ANKHD1: variants seen among roughly 807,000 people sequenced by gnomAD.
ANKHD1 encodes the protein ankyrin repeat and KH domain-containing protein 1.
In ANKHD1, 31 loss-of-function variants were observed where a neutral mutation model predicts 230.5. That is an observed-to-expected ratio of 0.13 (90% confidence interval 0.10 to 0.18). ANKHD1 has a LOEUF of 0.18. Ranked by LOEUF, ANKHD1 falls within the 10% of genes least tolerant of loss-of-function variation. The pLI is 1.00. For synonymous variants in ANKHD1, 1,074 were observed against 1,117.6 expected, an observed-to-expected ratio of 0.96 and a Z score of 0.78; for missense variants, 2,256 against 3,071.3, an observed-to-expected ratio of 0.73 and a Z score of 6.27.
At chr5:140,455,633 AT>A (rs1561749046) in intron 7 of ANKHD1, among the ~76,000 whole-genome samples, 1 of 152,234 alleles carries the variant, frequency 6.6e-6, no homozygotes, top group East Asian at 1.9e-4. Flanking sequence ...ATCTCAATAG[AT>A]GCAGAAAAGT....
At chr5:140,455,388 A>G (rs1391926129) in intron 7 of ANKHD1, among the ~76,000 whole-genome samples, 2 of 152,202 alleles carry the variant, frequency 1.3e-5, no homozygotes, top group African/African-American at 4.8e-5. Context: ...TCCTAATACC[A>G]AAGCCTGGCA....
chr5:140,427,034 C>T (rs975376572), intron 1 of ANKHD1, among the ~76,000 whole-genome samples: 4 of 152,190 alleles, frequency 2.6e-5, no homozygotes, highest in Admixed American at 1.3e-4. Flanking sequence ...CTGTTGGGTA[C>T]ACCTCCCAGA....
chr5:140,510,876 G>A (rs560040869), intron 22 of ANKHD1, among the ~76,000 whole-genome samples: 1 of 151,984 alleles, frequency 6.6e-6, no homozygotes, highest in South Asian at 2.1e-4. Flanking sequence ...AGGCTGGAGT[G>A]CAGTGGCATG....
intron 26 of ANKHD1, 24 bp downstream of exon 26, chr5:140,526,467 T>C (rs199860194): frequency 1.3e-6 from 2 of 1,586,774 alleles, no homozygotes; most frequent in South Asian, 1.2e-5. Context: ...ATTTGTTAAC[T>C]CTACCTGCAC....
intron 14 of ANKHD1, among the ~76,000 whole-genome samples, 161 bp downstream of exon 14, chr5:140,487,221 C>T (rs1751550473): frequency 6.6e-6 from 1 of 152,016 alleles, no homozygotes; most frequent in African/African-American, 2.4e-5. Flanking sequence ...ACCAAAAAGA[C>T]GTGTTAGGAA....
In ANKHD1 at chr5:140,432,120, AT is replaced by A. The variant is rs1012828237; in HGVS notation, c.307-3980del. 5.9e-5 allele frequency among the ~76,000 whole-genome samples: 9 copies of A among 152,348 alleles called. 1 individual carries two copies. Among genetic ancestry groups the A allele is most frequent in the Middle Eastern group, 6.8e-3 (2 of 294 alleles). ...TAATTCGTATGCCATAAGATATAGC[AT>A]TTTAAAGTCTACATTTCAGTGATTT... On this transcript the variant is annotated intron_variant, in intron 1 of 33. Transcript: ENST00000360839.
At chr5:140,508,629 G>A (rs543711087) in intron 20 of ANKHD1, among the ~76,000 whole-genome samples, 10 of 151,946 alleles carry the variant, frequency 6.6e-5, no homozygotes, top group South Asian at 2.1e-4. Flanking sequence ...GGTGGCAGGC[G>A]CCTTTAATCC....
chr5:140,458,822 G>A lies in ANKHD1; in HGVS notation c.1440G>A (p.Arg480=), dbSNP rs774661962. ...ACACTCCCTTGATGGAAGCTGCCCG[G>A]GAAGGACATGAAGAAATGGTGGCAC... ...EGYTPLMEAA[R]EGHEEMVALL... is the part of the protein sequence containing the mutation. The change falls in exon 8 of 34, where the codon CGG becomes CGA. Residue 480 remains arginine (R), a synonymous_variant. Coordinates refer to ENST00000360839, the MANE Select transcript of ANKHD1 (RefSeq NM_017747.3). 1 of 1,612,686 alleles carries A rather than the reference G, an allele frequency of 6.2e-7. No homozygotes were observed. The highest frequency in any genetic ancestry group is 1.7e-5 in the Admixed American group (1 of 59,794).
At chr5:140,461,716 A>C (rs114729176) in intron 9 of ANKHD1, among the ~76,000 whole-genome samples, 2,473 of 152,188 alleles carry the variant, frequency 0.016, 74 homozygotes, top group African/African-American at 0.056. Context: ...TTTGAAAATT[A>C]ATGATTAAAA....
chr5:140,403,816 A>G (rs1770192275), intron 1 of ANKHD1, among the ~76,000 whole-genome samples: 1 of 152,132 alleles, frequency 6.6e-6, no homozygotes, highest in Admixed American at 6.6e-5. Flanking sequence ...TCTTGGTGTT[A>G]AAGTACAGGA....
At position 140,513,435 on chromosome 5, in the gene ANKHD1, A is replaced by G; in HGVS notation, c.4273A>G (p.Asn1425Asp). 6.2e-7 allele frequency: 1 copy of G among 1,613,792 alleles called. No individual in the cohort carries two copies. The highest frequency in any genetic ancestry group is 8.5e-7 in the Non-Finnish European group (1 of 1,179,864). The change falls in exon 24 of 34, where the codon AAT (asparagine) becomes GAT (aspartate). Residue 1425 changes from asparagine (N) to aspartate (D), a missense_variant. By Grantham distance (23) the Asn-to-Asp change is conservative (BLOSUM62 1). Coordinates refer to ENST00000360839, the MANE Select transcript of ANKHD1 (RefSeq NM_017747.3). ...TAAAGACCAGCAAGCTGCAGAAGCA[A>G]ATAAGAATGCGAGTATTCTTTTAAA... is the stretch of plus-strand genomic sequence containing the variant. ...KAKDQQAAEA[N>D]KNASILLKEL...
chr5:140,523,968 C>CT, intron 24 of ANKHD1, 98 bp from the exon 25 acceptor site: 2 of 1,403,922 alleles, frequency 1.4e-6, no homozygotes, highest in Non-Finnish European at 1.9e-6. Context: ...TTGAGAGTAA[C>CT]ATCCATGGAA....
intron 1 of ANKHD1, among the ~76,000 whole-genome samples, chr5:140,420,052 G>T (rs1771849037): frequency 7.1e-6 from 1 of 140,014 alleles, no homozygotes. Flanking sequence ...CTGGAATGTA[G>T]TTGCTCCATC....
At chr5:140,402,369 G>C in intron 1 of ANKHD1, 96 bp downstream of exon 1, 1 of 1,370,756 alleles carries the variant, frequency 7.3e-7, no homozygotes, top group Non-Finnish European at 9.4e-7. Flanking sequence ...TTCCCTGGTG[G>C]AGCCCTTCTG....
chr5:140,525,864 C>A (rs1581375314), intron 25 of ANKHD1, 132 bp from the exon 26 acceptor site: 11 of 956,196 alleles, frequency 1.2e-5, no homozygotes, highest in Admixed American at 3.7e-5. Context: ...TTCTTTATTT[C>A]TTAGTGAATA....
At chr5:140,488,409 A>G (rs1751603372) in intron 14 of ANKHD1, among the ~76,000 whole-genome samples, 1 of 151,968 alleles carries the variant, frequency 6.6e-6, no homozygotes, top group African/African-American at 2.4e-5. Flanking sequence ...ACATGATGAA[A>G]CCCCATCTCT....
chr5:140,411,517 GT>G (rs1223694151), intron 1 of ANKHD1, among the ~76,000 whole-genome samples: 20 of 124,134 alleles, frequency 1.6e-4, no homozygotes, highest in Non-Finnish European at 1.6e-4. Flanking sequence ...TTTTTTGGCT[GT>G]TTTTTTTTTG....
chr5:140,444,431 C>T (rs1774112393), intron 5 of ANKHD1, among the ~76,000 whole-genome samples: 1 of 152,174 alleles, frequency 6.6e-6, no homozygotes, highest in Admixed American at 6.5e-5. Context: ...GTTAAAAATA[C>T]AGGTTCCTAG....
intron 1 of ANKHD1, among the ~76,000 whole-genome samples, chr5:140,419,768 CTTTCTT>C (rs1480780255): frequency 7.1e-6 from 1 of 140,334 alleles, no homozygotes; most frequent in African/African-American, 2.7e-5. Context: ...CTTCTCTTTC[CTTTCTT>C]TTTCTTTCTT....
Sources: allele counts gnomAD v4.1 joint callset (sites outside exome capture counted in the v4.1 genomes callset), GRCh38; gene constraint gnomAD v4.1.1; transcripts MANE v1.5; gene names NCBI Gene and HGNC (gene_info 2026-07-23, HGNC 2026-07-21).